Variants in RPL26 observed in about 807,000 individuals in gnomAD.
RPL26 encodes the protein ribosomal protein L26, also known as large ribosomal subunit protein uL24.
A neutral mutation model predicts 16.2 loss-of-function variants in RPL26; 1 was observed. That is an observed-to-expected ratio of 0.06 (90% CI 0.02 to 0.29). The LOEUF is 0.29. Among genes scored for constraint, RPL26 ranks in the 10% least tolerant of loss-of-function variants. The pLI is 1.00. For missense variants in RPL26, 102 were observed against 184.3 expected, an observed-to-expected ratio of 0.55 and a Z score of 2.58; for synonymous variants, 55 against 62.4, an observed-to-expected ratio of 0.88 and a Z score of 0.56.
chr17:8,379,975 A>C, intron 2 of RPL26, 39 bp from the exon 3 acceptor site: 1 of 1,548,938 alleles, frequency 6.5e-7, no homozygotes, highest in East Asian at 2.2e-5. Flanking sequence ...TTTGAATAAA[A>C]GATTAACCTT....
intron 3 of RPL26, chr17:8,379,448 T>C (rs138573463): frequency 1.1e-3 from 432 of 380,566 alleles, no homozygotes; most frequent in African/African-American, 8.0e-3. Flanking sequence ...GGTGCACGCA[T>C]GTAGTCACAG....
At chr17:8,381,431 GATT>G (rs1193717584) in intron 2 of RPL26, 2 of 152,204 alleles carry the variant, frequency 1.3e-5, no homozygotes, top group Non-Finnish European at 2.9e-5. Flanking sequence ...GCAATGTTCT[GATT>G]ATGTCACCTA....
intron 1 of RPL26, 46 bp downstream of exon 1, chr17:8,383,111 G>C: frequency 2.5e-6 from 1 of 398,620 alleles, no homozygotes; most frequent in Non-Finnish European, 4.4e-6. Context: ...CCATGCCCAA[G>C]AACGGATGGC....
At position 8,383,176 on chromosome 17, in the gene RPL26, G is replaced by A. The variant is rs939990604; in HGVS notation, c.-25C>T. The A allele has an allele frequency of 2.5e-6, 1 of 398,556 alleles. No individual in the cohort carries two copies. Among genetic ancestry groups the A allele is most frequent in the Admixed American group, 4.4e-5 (1 of 22,708 alleles). 24.7% of individuals were successfully genotyped at this position (398,556 alleles called of 1,614,324 possible). On this transcript the variant is annotated 5_prime_UTR_variant, in exon 1 of 4. Transcript: ENST00000648839. The stretch of plus-strand genomic sequence containing the variant: ...CCTTACCCGCTCCCGCTTCGGTGAT[G>A]GCCGCAAAAGGGAAGAGAACTACAC...
intron 1 of RPL26, 173 bp from the exon 2 acceptor site, chr17:8,382,488 T>A: frequency 1.8e-6 from 1 of 563,338 alleles, no homozygotes; most frequent in East Asian, 3.1e-5. Context: ...AGCTCGAAAC[T>A]TTTTATTTTT....
At chr17:8,381,192 CCACTCCCTGG>C (rs1907393147) in intron 2 of RPL26, 1 of 152,088 alleles carries the variant, frequency 6.6e-6, no homozygotes, top group South Asian at 2.1e-4. Context: ...TCAACACGCC[CCACTCCCTGG>C]CCCCCTACCT....
In RPL26 at chr17:8,377,659, G is replaced by A. The variant is rs1907208899; in HGVS notation, c.343C>T (p.Arg115Cys). ...GCTTTCCGTTCGAGGATCTTTTTGC[G>A]GTCTTTGTCCAGTTTTAGCCTAGTG... ...VITRLKLDKDRKKILERKAKS... is the reference protein window; with the variant it reads ...VITRLKLDKDCKKILERKAKS... The change falls in exon 4 of 4, where the codon CGC (arginine) becomes TGC (cysteine). Residue 115 changes from arginine (R) to cysteine (C), a missense_variant. Transcript: ENST00000648839. 3.1e-6 allele frequency: 5 copies of A among 1,611,422 alleles called. No homozygotes were observed. The highest frequency in any genetic ancestry group is 3.4e-6 in the Non-Finnish European group (4 of 1,179,190).
At chr17:8,377,778 C>G in intron 3 of RPL26, 86 bp from the exon 4 acceptor site, 1 of 1,302,254 alleles carries the variant, frequency 7.7e-7, no homozygotes, top group South Asian at 1.6e-5. Flanking sequence ...TACCATTTCC[C>G]AAACCTGGGG....
chr17:8,382,009 C>G (rs921449631), intron 2 of RPL26, 134 bp downstream of exon 2: 2 of 712,802 alleles, frequency 2.8e-6, no homozygotes, highest in Non-Finnish European at 4.8e-6. Context: ...GTTTTTTGGT[C>G]CCTGGCTCAA....
intron 1 of RPL26, 135 bp downstream of exon 1, chr17:8,383,022 A>T (rs2151676200): frequency 2.5e-6 from 1 of 398,576 alleles, no homozygotes; most frequent in South Asian, 1.3e-4. Flanking sequence ...AGCAACAGAT[A>T]AAAAACCATC....
chr17:8,379,532 C>A (rs1357155292), intron 3 of RPL26: 3 of 543,336 alleles, frequency 5.5e-6, no homozygotes, highest in Non-Finnish European at 9.7e-6. Context: ...CGAGATTGTG[C>A]CACTGCACTC....
At chr17:8,377,767 AT>A (rs1466209864) in intron 3 of RPL26, 75 bp from the exon 4 acceptor site, 1 of 1,407,996 alleles carries the variant, frequency 7.1e-7, no homozygotes, top group African/African-American at 1.4e-5. Flanking sequence ...CCAACATTCA[AT>A]ACCATTTCCC....
chr17:8,379,643 T>G (rs573341000), intron 3 of RPL26, 153 bp downstream of exon 3: 1 of 668,252 alleles, frequency 1.5e-6, no homozygotes, highest in East Asian at 2.6e-5. Flanking sequence ...GGTATTAGAA[T>G]TTTCAATACA....
At chr17:8,379,771 C>G (rs1567704797) in intron 3 of RPL26, 25 bp downstream of exon 3, 9 of 1,606,918 alleles carry the variant, frequency 5.6e-6, no homozygotes, top group Non-Finnish European at 5.1e-6. Context: ...ATTTCCTTCT[C>G]TCAAGCATTC....
intron 3 of RPL26, among the ~76,000 whole-genome samples, chr17:8,378,256 T>TC (rs527541558): frequency 6.6e-6 from 1 of 151,866 alleles, no homozygotes; most frequent in Non-Finnish European, 1.5e-5. Flanking sequence ...TCTGGAACCC[T>TC]GGGGGGGCGG....
Position 8,381,882 on chromosome 17 carries a change from T to C in RPL26, c.168+261A>G, listed in dbSNP as rs142299196. 5.5e-3 allele frequency: 1,737 copies of C among 314,608 alleles called. 29 individuals carry two copies. The highest frequency in any genetic ancestry group is 0.038 in the African/African-American group (1,596 of 41,650). 19.5% of individuals were successfully genotyped at this position (314,608 alleles called of 1,614,324 possible). ...AGGCGAAGGTTGCAGTGAGCTGAGA[T>C]GGCACCACTGCACTCCAGCCTGGGG... On this transcript the variant is annotated intron_variant, in intron 2 of 3. Transcript: ENST00000648839.
chr17:8,378,106 G>T (rs748277927), intron 3 of RPL26, among the ~76,000 whole-genome samples: 1 of 152,196 alleles, frequency 6.6e-6, no homozygotes, highest in East Asian at 1.9e-4. Flanking sequence ...AGAGGCAGGC[G>T]GATCACCTGA....
At position 8,383,189 on chromosome 17, in the gene RPL26, A is replaced by C. The variant is rs1435112077; in HGVS notation, c.-38T>G. ...CGCTTCGGTGATGGCCGCAAAAGGGAAGAGAACTACACGCTGCTTCCGGTT... is the reference window on the plus strand; with the variant it reads ...CGCTTCGGTGATGGCCGCAAAAGGGCAGAGAACTACACGCTGCTTCCGGTT... On this transcript the variant is annotated 5_prime_UTR_variant, in exon 1 of 4. Coordinates refer to ENST00000648839, the MANE Select transcript of RPL26 (RefSeq NM_000987.5). The C allele has an allele frequency of 1.8e-5, 7 of 398,528 alleles. No homozygotes were observed. The East Asian group carries it at 2.5e-4, about 14-fold the overall frequency. The allele number at this position is 398,528 out of a possible 1,614,324, so 24.7% of individuals were successfully genotyped here.
chr17:8,380,253 TCA>T (rs568704451), intron 2 of RPL26, among the ~76,000 whole-genome samples: 2 of 152,316 alleles, frequency 1.3e-5, no homozygotes, highest in South Asian at 2.1e-4. Flanking sequence ...CCAGTGGTCC[TCA>T]GTTTGTGAGG....
Sources: gnomAD v4.1 joint callset for allele counts (sites outside exome capture counted in the v4.1 genomes callset) on GRCh38, gnomAD v4.1.1 for gene constraint, MANE v1.5 for transcripts, NCBI Gene and HGNC (gene_info 2026-07-23, HGNC 2026-07-21) for gene names.